The following ARFGEF1 variants were observed in gnomAD, a reference collection of about 807,000 sequenced individuals.
ARFGEF1 encodes brefeldin A-inhibited guanine nucleotide-exchange protein 1.
In ARFGEF1, 42 loss-of-function variants were observed where a neutral mutation model predicts 231.0. The ratio of observed to expected loss-of-function variants is 0.18; its 90% CI spans 0.14 to 0.24. The LOEUF (loss-of-function observed/expected upper bound fraction) is 0.24. Ranked by LOEUF, ARFGEF1 falls within the 10% of genes least tolerant of loss-of-function variation. The pLI is 1.00. For missense variants in ARFGEF1, 1,345 were observed against 2,192.0 expected, an observed-to-expected ratio of 0.61 and a Z score of 7.72; for synonymous variants, 710 against 732.3, an observed-to-expected ratio of 0.97 and a Z score of 0.49.
chr8:67,329,891 G>A (rs1175875323), intron 1 of ARFGEF1, among the ~76,000 whole-genome samples: 1 of 151,922 alleles, frequency 6.6e-6, no homozygotes, highest in Non-Finnish European at 1.5e-5. Context: ...TTTTACAAAT[G>A]TTAAGGATAG....
intron 1 of ARFGEF1, among the ~76,000 whole-genome samples, chr8:67,340,929 G>A (rs1053875596): frequency 6.6e-6 from 1 of 152,192 alleles, no homozygotes; most frequent in Non-Finnish European, 1.5e-5. Context: ...GAGCGCTATA[G>A]GCCCTCTAAA....
intron 19 of ARFGEF1, among the ~76,000 whole-genome samples, chr8:67,248,721 T>C (rs370069421): frequency 5.3e-5 from 8 of 150,578 alleles, no homozygotes; most frequent in African/African-American, 1.7e-4. Flanking sequence ...TGGTTCTCAT[T>C]GTGCAGCTCA....
chr8:67,289,549 CAAAAAAA>C lies in ARFGEF1; in HGVS notation c.917-1491_917-1485del, dbSNP rs552601455. On this transcript the variant is annotated intron_variant, in intron 6 of 38. Coordinates refer to ENST00000262215, the MANE Select transcript of ARFGEF1 (RefSeq NM_006421.5). ...GGGTGACAGAGCAAGACTCTGTATC[CAAAAAAA>C]AAAAAAAAAAAAAAAAAAAAGGAAA... Among the ~76,000 whole-genome samples, 472 of 44,822 alleles carry C rather than the reference CAAAAAAA, an allele frequency of 0.011. 4 individuals are homozygous for C. In the South Asian group the frequency reaches 0.11, roughly 10 times the overall value. The allele number at this position is 44,822 out of a possible 152,430, so 29.4% of individuals were successfully genotyped here. A position where few individuals can be genotyped will look rare whatever the true frequency, so the allele number is the denominator to read the frequency against.
chr8:67,304,553 G>A (rs950610552), intron 1 of ARFGEF1, among the ~76,000 whole-genome samples: 2 of 152,316 alleles, frequency 1.3e-5, no homozygotes, highest in South Asian at 2.1e-4. Flanking sequence ...TGGGCTGGGC[G>A]CAGTGGCTCA....
At chr8:67,259,220 C>A (rs184873879) in intron 15 of ARFGEF1, among the ~76,000 whole-genome samples, 1 of 152,224 alleles carries the variant, frequency 6.6e-6, no homozygotes, top group Admixed American at 6.5e-5. Context: ...TATATTATAA[C>A]CAAGACATCT....
At chr8:67,238,944 A>G (rs1343943500) in intron 20 of ARFGEF1, 51 bp from the exon 21 acceptor site, 1 of 1,386,976 alleles carries the variant, frequency 7.2e-7, no homozygotes, top group African/African-American at 1.4e-5. Flanking sequence ...GAGCAGACTG[A>G]TTAATTCCCC....
Position 67,251,612 on chromosome 8 carries a change from C to G in ARFGEF1, c.2699-162G>C, listed in dbSNP as rs758584006. Among the ~76,000 whole-genome samples the G allele has an allele frequency of 7.2e-5, 11 of 152,034 alleles. No homozygotes were observed. In the South Asian group the frequency reaches 1.2e-3, roughly 17 times the overall value. On this transcript the variant is annotated intron_variant, in intron 18 of 38. Coordinates refer to ENST00000262215, the MANE Select transcript of ARFGEF1 (RefSeq NM_006421.5). Reference sequence around the variant, plus strand: ...ATATGATTACACTTATATGAAAAATCCAGAATAGGTAAAATCCATAGAAAT... The same window carrying G: ...ATATGATTACACTTATATGAAAAATGCAGAATAGGTAAAATCCATAGAAAT...
intron 22 of ARFGEF1, among the ~76,000 whole-genome samples, chr8:67,235,192 C>A (rs1281887411): frequency 6.7e-6 from 1 of 149,788 alleles, no homozygotes; most frequent in African/African-American, 2.4e-5. Flanking sequence ...TTAAAGGAAT[C>A]AAAGAATATA....
intron 14 of ARFGEF1, among the ~76,000 whole-genome samples, chr8:67,262,817 T>C (rs951793381): frequency 1.3e-5 from 2 of 152,214 alleles, no homozygotes; most frequent in Non-Finnish European, 2.9e-5. Context: ...TTAATGTGTG[T>C]ACATTGTTTT....
chr8:67,203,276 A>T (rs113020759), intron 35 of ARFGEF1, 25 bp from the exon 36 acceptor site: 1 of 1,606,754 alleles, frequency 6.2e-7, no homozygotes, highest in African/African-American at 1.3e-5. Flanking sequence ...CCACCCCAGC[A>T]TATACACACA....
intron 5 of ARFGEF1, among the ~76,000 whole-genome samples, chr8:67,182,079 G>A (rs1833189423): frequency 6.6e-6 from 1 of 152,104 alleles, no homozygotes; most frequent in South Asian, 2.1e-4. Flanking sequence ...ATGGCTCACT[G>A]CAGCCTTGAC....
chr8:67,230,998 A>C (rs1230900065), intron 23 of ARFGEF1, among the ~76,000 whole-genome samples: 1 of 152,090 alleles, frequency 6.6e-6, no homozygotes, highest in East Asian at 1.9e-4. Flanking sequence ...TAAACATACA[A>C]AAATTTTTTT....
intron 5 of ARFGEF1, among the ~76,000 whole-genome samples, chr8:67,187,649 A>G (rs2129574446): frequency 6.6e-6 from 1 of 152,056 alleles, no homozygotes; most frequent in South Asian, 2.1e-4. Flanking sequence ...ACGCCACTAA[A>G]CTCCAGCCTG....
At chr8:67,196,788 GAGCACTT>G (rs1029522288), downstream of ARFGEF1, among the ~76,000 whole-genome samples, 2 of 152,144 alleles carry the variant, frequency 1.3e-5, no homozygotes, top group Non-Finnish European at 2.9e-5. Context: ...AGGTTGTGTG[GAGCACTT>G]ACCCTCACAC....
chr8:67,317,609 TAAA>T (rs113373370), intron 1 of ARFGEF1, among the ~76,000 whole-genome samples: 5 of 127,528 alleles, frequency 3.9e-5, no homozygotes, highest in African/African-American at 1.2e-4. Flanking sequence ...AACTAATATT[TAAA>T]AAAAAAAAAA....
At chr8:67,249,971 CA>C (rs1460870831) in intron 19 of ARFGEF1, among the ~76,000 whole-genome samples, 1 of 152,210 alleles carries the variant, frequency 6.6e-6, no homozygotes, top group Non-Finnish European at 1.5e-5. Context: ...AAGGAAAGAA[CA>C]TTCTAGACAA....
At chr8:67,234,457 T>C (rs1197602290) in intron 22 of ARFGEF1, among the ~76,000 whole-genome samples, 5 of 151,768 alleles carry the variant, frequency 3.3e-5, no homozygotes, top group Non-Finnish European at 2.9e-5. Flanking sequence ...AGGGTAACTA[T>C]GTAGAAAAGG....
intron 7 of ARFGEF1, among the ~76,000 whole-genome samples, chr8:67,287,043 G>C (rs1460408710): frequency 6.6e-6 from 1 of 152,150 alleles, no homozygotes; most frequent in Admixed American, 6.5e-5. Context: ...ACCTGTGCAG[G>C]AAAGAGGTAA....
chr8:67,192,446 CTA>C (rs1256915707), intron 5 of ARFGEF1, among the ~76,000 whole-genome samples: 3 of 152,122 alleles, frequency 2.0e-5, no homozygotes, highest in Non-Finnish European at 4.4e-5. Flanking sequence ...CACTACAAGT[CTA>C]GTTATCAATG....
Sources: gnomAD v4.1 joint callset for allele counts (sites outside exome capture counted in the v4.1 genomes callset) on GRCh38, gnomAD v4.1.1 for gene constraint, MANE v1.5 for transcripts, NCBI Gene and HGNC (gene_info 2026-07-23, HGNC 2026-07-21) for gene names.